Variants in PPARGC1A observed in about 807,000 individuals in gnomAD.
The protein encoded by PPARGC1A is peroxisome proliferator-activated receptor gamma coactivator 1-alpha.
Under a neutral mutation model 88.7 loss-of-function variants are expected in PPARGC1A, and 25 were observed. The observed-to-expected ratio is 0.28, with a 90% CI of 0.21 to 0.39. PPARGC1A has a LOEUF of 0.39. PPARGC1A is among the 10% of genes least tolerant of loss of function. PPARGC1A has a pLI of 1.00. For synonymous variants in PPARGC1A, 363 were observed against 355.6 expected, an observed-to-expected ratio of 1.02 and a Z score of -0.24; for missense variants, 880 against 968.7, an observed-to-expected ratio of 0.91 and a Z score of 1.22.
chr4:24,415,781 A>C, the PPARGC1A span, among the ~76,000 whole-genome samples: 5 of 152,360 alleles, frequency 3.3e-5, no homozygotes, highest in Admixed American at 3.3e-4. Flanking sequence ...TGTATTAGTT[A>C]TAAATTTATG....
upstream of PPARGC1A, among the ~76,000 whole-genome samples, chr4:23,902,565 G>A (rs1324116938): frequency 6.6e-6 from 1 of 152,154 alleles, no homozygotes; most frequent in African/African-American, 2.4e-5. Context: ...AACATATAGA[G>A]AGTAATAAGA....
the PPARGC1A span, among the ~76,000 whole-genome samples, chr4:24,146,951 A>T: frequency 6.6e-6 from 1 of 152,166 alleles, no homozygotes; most frequent in South Asian, 2.1e-4. Context: ...TGAGGTCAGG[A>T]ATATAACTGT....
chr4:24,356,034 T>G, the PPARGC1A span, among the ~76,000 whole-genome samples: 21 of 151,992 alleles, frequency 1.4e-4, no homozygotes, highest in Middle Eastern at 6.8e-3. Flanking sequence ...CTGTCTCTAC[T>G]AAAAATATAA....
chr4:24,130,724 G>T, the PPARGC1A span, among the ~76,000 whole-genome samples: 1 of 152,136 alleles, frequency 6.6e-6, no homozygotes, highest in Non-Finnish European at 1.5e-5. Flanking sequence ...AAATGAGGAA[G>T]TAGAAAGTTC....
chr4:24,099,431 T>G, the PPARGC1A span, among the ~76,000 whole-genome samples: 1 of 152,082 alleles, frequency 6.6e-6, no homozygotes, highest in Non-Finnish European at 1.5e-5. Flanking sequence ...CTTCTGACAT[T>G]GTGTTACAAG....
At chr4:23,863,498 T>A (rs1355572164) in intron 2 of PPARGC1A, among the ~76,000 whole-genome samples, 1 of 152,162 alleles carries the variant, frequency 6.6e-6, no homozygotes, top group East Asian at 1.9e-4. Context: ...TTCACTTGTA[T>A]CTACTTTCTC....
the PPARGC1A span, among the ~76,000 whole-genome samples, chr4:24,247,781 C>T: frequency 1.3e-5 from 2 of 152,260 alleles, no homozygotes; most frequent in South Asian, 4.2e-4. Context: ...ATTTCACCTA[C>T]CATAGAGTTC....
chr4:24,024,778 C>G, the PPARGC1A span, among the ~76,000 whole-genome samples: 2 of 152,318 alleles, frequency 1.3e-5, no homozygotes, highest in East Asian at 3.9e-4. Context: ...CACAACAGCA[C>G]AATGCAAGGA....
the PPARGC1A span, among the ~76,000 whole-genome samples, chr4:24,307,635 T>C: frequency 1.3e-5 from 2 of 151,868 alleles, no homozygotes; most frequent in African/African-American, 4.8e-5. Flanking sequence ...CTACCATGAG[T>C]CTATAAAGGC....
intron 2 of PPARGC1A, among the ~76,000 whole-genome samples, chr4:23,839,824 A>C (rs1192578504): frequency 1.3e-5 from 2 of 151,686 alleles, no homozygotes; most frequent in African/African-American, 2.4e-5. Context: ...TTGTGCAGGG[A>C]AAGTCCCGTT....
At chr4:24,461,726 A>G in the PPARGC1A span, among the ~76,000 whole-genome samples, 1 of 152,104 alleles carries the variant, frequency 6.6e-6, no homozygotes, top group Admixed American at 6.6e-5. Context: ...AAAAAATTTA[A>G]CACAATTTAA....
the PPARGC1A span, among the ~76,000 whole-genome samples, chr4:24,214,773 C>T: frequency 6.6e-6 from 1 of 152,122 alleles, no homozygotes; most frequent in Non-Finnish European, 1.5e-5. Context: ...ATCCTTAATT[C>T]CCCCACCATC....
the PPARGC1A span, among the ~76,000 whole-genome samples, chr4:23,919,952 G>C: frequency 6.6e-6 from 1 of 152,178 alleles, no homozygotes; most frequent in African/African-American, 2.4e-5. Flanking sequence ...TATTCAACAA[G>C]ATAATGGGAC....
the PPARGC1A span, among the ~76,000 whole-genome samples, chr4:24,127,736 T>G: frequency 6.6e-6 from 1 of 152,062 alleles, no homozygotes; most frequent in Non-Finnish European, 1.5e-5. Context: ...ATATCGTGTT[T>G]CATAAGCATC....
chr4:24,370,751 T>C, the PPARGC1A span, among the ~76,000 whole-genome samples: 147 of 65,732 alleles, frequency 2.2e-3, no homozygotes, highest in South Asian at 4.6e-3. Context: ...GTCTCTCTCT[T>C]TTTTTTTTTT....
the PPARGC1A span, among the ~76,000 whole-genome samples, chr4:24,303,773 T>C: frequency 6.6e-6 from 1 of 152,206 alleles, no homozygotes; most frequent in Non-Finnish European, 1.5e-5. Flanking sequence ...TAAACAGTGT[T>C]GTACAAAAGA....
At chr4:24,065,350 T>C in the PPARGC1A span, among the ~76,000 whole-genome samples, 2 of 152,088 alleles carry the variant, frequency 1.3e-5, no homozygotes, top group African/African-American at 4.8e-5. Context: ...TCACTCAAGC[T>C]TTCATCAACG....
the PPARGC1A span, among the ~76,000 whole-genome samples, chr4:24,339,237 TAC>T: frequency 1.4e-3 from 144 of 104,258 alleles, no homozygotes; most frequent in East Asian, 5.9e-3. Flanking sequence ...TATATATATA[TAC>T]ACACACACAC....
chr4:24,064,637 C>T, the PPARGC1A span, among the ~76,000 whole-genome samples: 2 of 152,108 alleles, frequency 1.3e-5, no homozygotes, highest in Admixed American at 1.3e-4. Flanking sequence ...TCTCCTCCCC[C>T]AGAAACCCCC....
Sources: gnomAD v4.1 joint callset for allele counts (sites outside exome capture counted in the v4.1 genomes callset) on GRCh38, gnomAD v4.1.1 for gene constraint, MANE v1.5 for transcripts, NCBI Gene and HGNC (gene_info 2026-07-23, HGNC 2026-07-21) for gene names.